AMN: variants seen among roughly 807,000 people sequenced by gnomAD.
AMN encodes the protein protein amnionless.
AMN carries 40 observed loss-of-function variants against 49.1 expected under a neutral mutation model. The observed-to-expected ratio is 0.81, with a 90% confidence interval of 0.63 to 1.06. The LOEUF (loss-of-function observed/expected upper bound fraction) is 1.06, where lower values mean the gene tolerates loss of function less well. Among genes scored for constraint, AMN ranks in the 50% least tolerant of loss-of-function variants. The pLI is 0.00. For missense variants in AMN, 701 were observed against 662.8 expected (o/e 1.06, Z -0.63); for synonymous variants, 380 against 313.3 (o/e 1.21, Z -2.25).
rs2295829 is a variant in AMN, at chr14:102,922,666, G to T, written c.-23G>T. 91 of 1,594,330 alleles carry T rather than the reference G, an allele frequency of 5.7e-5. No homozygotes were observed. The highest frequency in any genetic ancestry group is 6.3e-5 in the Non-Finnish European group (74 of 1,173,512). On this transcript the variant is annotated 5_prime_UTR_variant, in exon 1 of 12. Transcript: ENST00000299155. ...GTCCAGTGGGGCAAAGTCTCCTGGT[G>T]GGGTGCAAGGAGCCGAGGCGAGATG...
chr14:102,930,478 G>A lies in AMN; in HGVS notation c.1242G>A (p.Thr414=), dbSNP rs1355207933. The change falls in exon 11 of 12, where the codon ACG becomes ACA. Residue 414 remains threonine (T), a synonymous_variant. Transcript: ENST00000299155. ...LGFRNPVFDV[T]ASEELPLPRR... ...TCCGCAACCCGGTGTTCGACGTGAC[G>A]GCCTCCGAGGAGCTGGTGAGGGGGC... is the stretch of plus-strand genomic sequence containing the variant. 1 of 1,532,714 alleles carries A rather than the reference G, an allele frequency of 6.5e-7. No individual in the cohort carries two copies. Among genetic ancestry groups the A allele is most frequent in the Non-Finnish European group, 8.8e-7 (1 of 1,142,184 alleles). The allele number at this position is 1,532,714 out of a possible 1,614,324, so 94.9% of individuals were successfully genotyped here.
At position 102,929,932 on chromosome 14, in the gene AMN, C is replaced by T; in HGVS notation, c.852C>T (p.Tyr284=). The stretch of plus-strand genomic sequence containing the variant: ...CCCGTCCCCCTCCCCAGCCTCAGTA[C>T]CACGGGCTGCAGGTGGCCGTGTCCA... ...ILDTFLGLPQ[Y]HGLQVAVSKV... The change falls in exon 9 of 12, where the codon TAC becomes TAT. Residue 284 remains tyrosine, a synonymous_variant. Transcript: ENST00000299155. 2 of 1,559,122 alleles carry T rather than the reference C, an allele frequency of 1.3e-6. No individual in the cohort carries two copies. The highest frequency in any genetic ancestry group is 1.7e-6 in the Non-Finnish European group (2 of 1,152,402).
chr14:102,923,903 C>A, intron 2 of AMN, 32 bp from the exon 3 acceptor site: 4 of 1,613,028 alleles, frequency 2.5e-6, no homozygotes, highest in Non-Finnish European at 3.4e-6. Context: ...GGGGGTTGCT[C>A]CCGGCTCGGC....
In AMN at chr14:102,930,729, A is replaced by C. The variant is rs1461091953; in HGVS notation, c.*49A>C. ...GGGGCTCTCCACCCGCTCTGGCCCC[A>C]GTCGAACTGGGGGCTAGCCACCTCC... On this transcript the variant is annotated 3_prime_UTR_variant, in exon 12 of 12. Transcript: ENST00000299155. The C allele has an allele frequency of 6.5e-7, 1 of 1,533,808 alleles. No homozygotes were observed. Among genetic ancestry groups the C allele is most frequent in the African/African-American group, 1.4e-5 (1 of 72,906 alleles).
At chr14:102,928,615 C>A in intron 4 of AMN, 102 bp downstream of exon 4, 1 of 1,499,464 alleles carries the variant, frequency 6.7e-7, no homozygotes, top group Non-Finnish European at 9.0e-7. Flanking sequence ...GGGAGGGCGC[C>A]TCCGGGGGCG....
At chr14:102,924,775 AT>A (rs1332419345) in intron 3 of AMN, among the ~76,000 whole-genome samples, 1 of 152,214 alleles carries the variant, frequency 6.6e-6, no homozygotes, top group Non-Finnish European at 1.5e-5. Flanking sequence ...TTCATCACGT[AT>A]TAAAGGCTCT....
chr14:102,928,966 T>C lies in AMN; in HGVS notation c.504T>C (p.Ala168=). Residue 168 remains alanine, a synonymous_variant, in exon 5 of 12, where the codon GCT becomes GCC. Transcript: ENST00000299155. ...CCGTGCGTGTCCGCAGCATCTCGGC[T>C]CTGGGCCGGGTGAGCACTGAGGGGA... is the stretch of plus-strand genomic sequence containing the variant. ...ASPVRVRSIS[A]LGRTFTRDED... is the part of the protein sequence containing the mutation. 1 of 1,598,896 alleles carries C rather than the reference T, an allele frequency of 6.3e-7. No homozygotes were observed. Among genetic ancestry groups the C allele is most frequent in the Non-Finnish European group, 8.5e-7 (1 of 1,179,506 alleles).
chr14:102,923,897 G>C (rs1481572400), intron 2 of AMN, 38 bp from the exon 3 acceptor site: 6 of 1,613,050 alleles, frequency 3.7e-6, no homozygotes, highest in Non-Finnish European at 4.2e-6. Context: ...CCCGGTGGGG[G>C]TTGCTCCCGG....
chr14:102,922,780 G>A (rs1891085873), intron 1 of AMN, 49 bp downstream of exon 1: 1 of 1,552,708 alleles, frequency 6.4e-7, no homozygotes, highest in Non-Finnish European at 8.7e-7. Context: ...CGGTCTGTCA[G>A]GACCCAGGGC....
intron 3 of AMN, among the ~76,000 whole-genome samples, chr14:102,926,373 G>A (rs1891187673): frequency 6.6e-6 from 1 of 152,080 alleles, no homozygotes; most frequent in Non-Finnish European, 1.5e-5. Context: ...TCGTGTGCCT[G>A]GGTGTTGTGG....
At chr14:102,923,862 G>C (rs780121742) in intron 2 of AMN, 33 bp downstream of exon 2, 3 of 1,612,462 alleles carry the variant, frequency 1.9e-6, no homozygotes, top group African/African-American at 2.7e-5. Flanking sequence ...TCGGTGATGG[G>C]CCTGGACCCC....
In AMN at chr14:102,929,414, G is replaced by A. The variant is rs949145775; in HGVS notation, c.652-14G>A. ...GCTCTGGCCCTCCGCGCTGACCACC[G>A]CCCCTCGCACCAGGCGCAGCCGTGG... On this transcript the variant is annotated splice_polypyrimidine_tract_variant and intron_variant, in intron 6 of 11. Transcript: ENST00000299155. 28 of 1,529,598 alleles carry A rather than the reference G, an allele frequency of 1.8e-5. 2 individuals are homozygous for A. The highest frequency in any genetic ancestry group is 1.7e-4 in the African/African-American group (12 of 72,542). The allele number at this position is 1,529,598 out of a possible 1,614,324, so 94.8% of individuals were successfully genotyped here. A position where few individuals can be genotyped will look rare whatever the true frequency, so the allele number is the denominator to read the frequency against.
Position 102,923,844 on chromosome 14 carries a change from C to T in AMN, c.162+15C>T, listed in dbSNP as rs754018127. 6.2e-7 allele frequency: 1 copy of T among 1,612,516 alleles called. No individual in the cohort carries two copies. The highest frequency in any genetic ancestry group is 8.5e-7 in the Non-Finnish European group (1 of 1,179,738). On this transcript the variant is annotated intron_variant, in intron 2 of 11. Transcript: ENST00000299155. The stretch of plus-strand genomic sequence containing the variant: ...CGGCGGACAAGGTGCCTGGGAGCGC[C>T]GGCGGGGTCGGTGATGGGCCTGGAC...
In AMN at chr14:102,922,751, G is replaced by A; in HGVS notation, c.43+20G>A. ...TCTGCGGTGAGCCGGGACCACACCG[G>A]TGCGGGCCCGGACGGTAGCGGTCTG... On this transcript the variant is annotated intron_variant, in intron 1 of 11. Transcript: ENST00000299155. The A allele has an allele frequency of 6.4e-7, 1 of 1,574,170 alleles. No homozygotes were observed. Among genetic ancestry groups the A allele is most frequent in the South Asian group, 1.2e-5 (1 of 86,302 alleles).
rs1312771036 is a variant in AMN, at chr14:102,929,546, C to T, written c.760+10C>T. 14 of 1,540,582 alleles carry T rather than the reference C, an allele frequency of 9.1e-6. No individual in the cohort carries two copies. In the East Asian group the frequency reaches 2.7e-4, roughly 30 times the overall value. On this transcript the variant is annotated intron_variant, in intron 7 of 11. Coordinates refer to ENST00000299155, the MANE Select transcript of AMN (RefSeq NM_030943.4). ...TGCTGTGACCTCTGTGGTAAGCGCC[C>T]CCGCCGGGCCCTGCTTGCTGGGAAG...
chr14:102,923,642 G>A (rs1289406795), intron 1 of AMN, 69 bp from the exon 2 acceptor site: 1 of 1,381,194 alleles, frequency 7.2e-7, no homozygotes, highest in Admixed American at 1.7e-5. Context: ...ACTTCTCTGG[G>A]TGGGTGGCCT....
chr14:102,929,582 C>T, intron 7 of AMN, 46 bp downstream of exon 7: 1 of 1,545,352 alleles, frequency 6.5e-7, no homozygotes, highest in Non-Finnish European at 8.7e-7. Context: ...GCCTGGAGGA[C>T]CAGGTTCGTC....
chr14:102,929,690 G>C lies in AMN; in HGVS notation c.796G>C (p.Asp266His). ...GTTGCTGACCCACGGCCCCGCATTT[G>C]ACCTGGAGCGGTACCGGGCGCGGAT... ...VVLLTHGPAF[D>H]LERYRARILD... The change falls in exon 8 of 12, where the codon GAC (aspartate) becomes CAC (histidine). Residue 266 changes from aspartate to histidine, a missense_variant. Coordinates refer to ENST00000299155, the MANE Select transcript of AMN (RefSeq NM_030943.4). 2 of 1,550,848 alleles carry C rather than the reference G, an allele frequency of 1.3e-6. No individual in the cohort carries two copies. Among genetic ancestry groups the C allele is most frequent in the Non-Finnish European group, 1.7e-6 (2 of 1,147,586 alleles).
At chr14:102,928,696 T>TGGCGTGGCGTGGTGTGGCGC in intron 4 of AMN, 62 bp from the exon 5 acceptor site, 4 of 1,556,228 alleles carry the variant, frequency 2.6e-6, no homozygotes, top group South Asian at 1.1e-5. Context: ...TGGCGTGGCG[T>TGGCGTGGCGTGGTGTGGCGC]GGCGTGGCGT....
Sources: gnomAD v4.1 joint callset for allele counts (sites outside exome capture counted in the v4.1 genomes callset) on GRCh38, gnomAD v4.1.1 for gene constraint, MANE v1.5 for transcripts, NCBI Gene and HGNC (gene_info 2026-07-23, HGNC 2026-07-21) for gene names.